The following AHCY variants were observed in gnomAD, a reference collection of about 807,000 sequenced individuals.
The protein encoded by AHCY is S-adenosyl-L-homocysteine hydrolase.
AHCY carries 24 observed loss-of-function variants against 45.4 expected under a neutral mutation model. The ratio of observed to expected loss-of-function variants is 0.53; its 90% CI spans 0.38 to 0.74. The LOEUF is 0.74. Ranked by LOEUF, AHCY falls within the 30% of genes least tolerant of loss-of-function variation. AHCY has a pLI of 0.00. For synonymous variants in AHCY, 245 were observed against 235.1 expected, an observed-to-expected ratio of 1.04 and a Z score of -0.39; for missense variants, 449 against 594.1, an observed-to-expected ratio of 0.76 and a Z score of 2.54.
In AHCY at chr20:34,290,546, C is replaced by T. The variant is rs1253199899; in HGVS notation, c.854+5G>A. ...ACTCCCCGGGACCCCCCATCTGGCA[C>T]CTACCGGCCAAGGATGATGTCAATA... On this transcript the variant is annotated splice_donor_5th_base_variant and intron_variant, in intron 7 of 9. Coordinates refer to ENST00000217426, the MANE Select transcript of AHCY (RefSeq NM_000687.4). This position sits in a 1 kb window ranked among gnomAD's most constrained non-coding sequence, Gnocchi z 4.5. 3 of 1,614,032 alleles carry T rather than the reference C, an allele frequency of 1.9e-6. No individual in the cohort carries two copies. Among genetic ancestry groups the T allele is most frequent in the Non-Finnish European group, 2.5e-6 (3 of 1,180,010 alleles).
Position 34,280,986 on chromosome 20 carries a change from G to A in AHCY, c.*48C>T. On this transcript the variant is annotated 3_prime_UTR_variant, in exon 10 of 10. Coordinates refer to ENST00000217426, the MANE Select transcript of AHCY (RefSeq NM_000687.4). The stretch of plus-strand genomic sequence containing the variant: ...CATTAGCTCTTAGGGAGGAGAGGTG[G>A]GGCCTGGGCAAGGACAGCAGCTGGA... 1 of 1,612,628 alleles carries A rather than the reference G, an allele frequency of 6.2e-7. No individual in the cohort carries two copies. Among genetic ancestry groups the A allele is most frequent in the Non-Finnish European group, 8.5e-7 (1 of 1,179,606 alleles).
chr20:34,290,518 C>T lies in AHCY; in HGVS notation c.854+33G>A. ...AGCTGTCCCAACTCTGCCCTCCTCCCTCACTCCCCGGGACCCCCCATCTGG... is the reference window on the plus strand; with the variant it reads ...AGCTGTCCCAACTCTGCCCTCCTCCTTCACTCCCCGGGACCCCCCATCTGG... On this transcript the variant is annotated intron_variant, in intron 7 of 9. Transcript: ENST00000217426. The surrounding 1 kb of genome is among the most constrained non-coding windows in gnomAD (Gnocchi z 4.5). 2 of 1,613,996 alleles carry T rather than the reference C, an allele frequency of 1.2e-6. No homozygotes were observed. Among genetic ancestry groups the T allele is most frequent in the Non-Finnish European group, 1.7e-6 (2 of 1,179,858 alleles).
chr20:34,308,052 T>A (rs1265256692), upstream of AHCY, among the ~76,000 whole-genome samples: 2 of 152,200 alleles, frequency 1.3e-5, no homozygotes, highest in Non-Finnish European at 2.9e-5. Flanking sequence ...ATGCTGTATT[T>A]GGTTTTCTGT....
chr20:34,298,545 G>A (rs372737618), intron 1 of AHCY, among the ~76,000 whole-genome samples: 8 of 148,810 alleles, frequency 5.4e-5, no homozygotes, highest in Non-Finnish European at 1.0e-4. Context: ...GTGGTCCAGC[G>A]GTAGCAAAAG....
chr20:34,310,091 T>G (rs2036933269), intron 1 of AHCY, among the ~76,000 whole-genome samples: 1 of 152,106 alleles, frequency 6.6e-6, no homozygotes, highest in African/African-American at 2.4e-5. Context: ...TCTCACACTG[T>G]TACCCGGGCT....
intron 9 of AHCY, among the ~76,000 whole-genome samples, chr20:34,283,909 G>A (rs2036084816): frequency 6.6e-6 from 1 of 152,218 alleles, no homozygotes; most frequent in African/African-American, 2.4e-5. Context: ...TTCTCCAGCA[G>A]CAAAAGGCTG....
At chr20:34,253,095 ATCTC>A in the AHCY span, among the ~76,000 whole-genome samples, 2 of 151,674 alleles carry the variant, frequency 1.3e-5, no homozygotes, top group Non-Finnish European at 2.9e-5. Context: ...TAACAACCTG[ATCTC>A]TCTTTCTTTT....
At chr20:34,291,160 G>A (rs1471024874) in intron 5 of AHCY, among the ~76,000 whole-genome samples, 1 of 152,174 alleles carries the variant, frequency 6.6e-6, no homozygotes, top group African/African-American at 2.4e-5. Flanking sequence ...AGCCTTCCTA[G>A]GCATCAGTTA....
At chr20:34,291,107 T>A (rs1321745566) in intron 5 of AHCY, among the ~76,000 whole-genome samples, 169 bp from the exon 6 acceptor site, 5 of 152,136 alleles carry the variant, frequency 3.3e-5, no homozygotes, top group African/African-American at 1.2e-4. Context: ...TTCACCCCGA[T>A]CGGCTCAAAG....
At chr20:34,295,243 G>A in intron 2 of AHCY, 152 bp downstream of exon 2, 1 of 945,978 alleles carries the variant, frequency 1.1e-6, no homozygotes, top group East Asian at 2.6e-5. Flanking sequence ...GCAGCACTGG[G>A]AAACGGAGGA....
chr20:34,266,422 C>T, the AHCY span, among the ~76,000 whole-genome samples: 1 of 151,984 alleles, frequency 6.6e-6, no homozygotes, highest in African/African-American at 2.4e-5. Flanking sequence ...ACTGTAATCC[C>T]AGCACTTCAG....
chr20:34,253,307 CA>C, the AHCY span, among the ~76,000 whole-genome samples: 3 of 151,584 alleles, frequency 2.0e-5, no homozygotes, highest in Non-Finnish European at 2.9e-5. Context: ...GGGGTTTCAC[CA>C]TGTTAGCCAG....
At chr20:34,274,258 A>G in the AHCY span, among the ~76,000 whole-genome samples, 1 of 152,194 alleles carries the variant, frequency 6.6e-6, no homozygotes, top group East Asian at 1.9e-4. Flanking sequence ...AAGACTATCA[A>G]ATTAACGTCT....
At chr20:34,236,933 C>T in the AHCY span, among the ~76,000 whole-genome samples, 78 of 152,254 alleles carry the variant, frequency 5.1e-4, no homozygotes, top group Middle Eastern at 6.8e-3. Flanking sequence ...TAGATATCCA[C>T]TTTTCCTAGT....
intron 1 of AHCY, among the ~76,000 whole-genome samples, chr20:34,297,995 C>T (rs558947001): frequency 4.6e-5 from 7 of 151,958 alleles, no homozygotes; most frequent in African/African-American, 9.7e-5. Flanking sequence ...AAAAATTAGC[C>T]GGGTGTGGTG....
chr20:34,284,144 G>A (rs972777694), intron 9 of AHCY, among the ~76,000 whole-genome samples: 14 of 152,124 alleles, frequency 9.2e-5, no homozygotes, highest in Admixed American at 9.2e-4. Flanking sequence ...CAACCATAGT[G>A]AGATGCCATG....
At chr20:34,296,587 T>C (rs1270643591) in intron 1 of AHCY, among the ~76,000 whole-genome samples, 1 of 152,148 alleles carries the variant, frequency 6.6e-6, no homozygotes, top group Non-Finnish European at 1.5e-5. Context: ...TAACTCACTA[T>C]CTCAATACTC....
At chr20:34,282,467 T>C (rs753911322) in intron 9 of AHCY, among the ~76,000 whole-genome samples, 11 of 152,184 alleles carry the variant, frequency 7.2e-5, no homozygotes, top group African/African-American at 1.2e-4. Flanking sequence ...ACTGAAATAA[T>C]AAATATTTAT....
chr20:34,264,434 C>T, the AHCY span, among the ~76,000 whole-genome samples: 85 of 152,240 alleles, frequency 5.6e-4, no homozygotes, highest in Non-Finnish European at 1.0e-3. Context: ...TCAAGGTTCT[C>T]GTGTATTTTT....
Sources: allele counts gnomAD v4.1 joint callset (sites outside exome capture counted in the v4.1 genomes callset), GRCh38; gene constraint gnomAD v4.1.1; non-coding constraint Gnocchi (gnomAD v3.1); transcripts MANE v1.5; gene names NCBI Gene and HGNC (gene_info 2026-07-23, HGNC 2026-07-21).